Variants in ACAD11 observed in about 807,000 individuals in gnomAD.
ACAD11 encodes acyl-Coenzyme A dehydrogenase family, member 11.
Under a neutral mutation model 102.2 loss-of-function variants are expected in ACAD11, and 83 were observed. That is an observed-to-expected ratio of 0.81 (90% CI 0.68 to 0.97). ACAD11 has a LOEUF of 0.97. Among genes scored for constraint, ACAD11 ranks in the 50% least tolerant of loss-of-function variants. The probability of loss-of-function intolerance (pLI) is 0.00; values close to 1 mark genes in which losing one functional copy is unlikely to be tolerated. For missense variants in ACAD11, 901 were observed against 951.7 expected (o/e 0.95, Z 0.70); for synonymous variants, 324 against 319.8 (o/e 1.01, Z -0.14).
intron 13 of ACAD11, among the ~76,000 whole-genome samples, chr3:132,590,928 C>T (rs560898317): frequency 2.0e-5 from 3 of 152,236 alleles, no homozygotes; most frequent in South Asian, 4.1e-4. Flanking sequence ...ACATAGTTTG[C>T]AAATATTTTC....
chr3:132,605,046 A>G, intron 12 of ACAD11, 52 bp downstream of exon 12: 2 of 1,408,348 alleles, frequency 1.4e-6, no homozygotes, highest in East Asian at 2.3e-5. Context: ...CTCATCCATA[A>G]TAACTCCGGG....
chr3:132,607,101 C>T (rs995073432), intron 11 of ACAD11, among the ~76,000 whole-genome samples: 1 of 152,144 alleles, frequency 6.6e-6, no homozygotes, highest in East Asian at 1.9e-4. Context: ...GACACCTACA[C>T]AAAAACTCCA....
chr3:132,621,908 A>C (rs1939621546), intron 9 of ACAD11, among the ~76,000 whole-genome samples: 1 of 151,142 alleles, frequency 6.6e-6, no homozygotes, highest in East Asian at 2.0e-4. Context: ...GAACCCAGGA[A>C]GCAGAGGTTG....
chr3:132,654,531 C>T (rs1310231419), intron 1 of ACAD11: 1 of 152,180 alleles, frequency 6.6e-6, no homozygotes, highest in East Asian at 1.9e-4. Context: ...AAGATAATGG[C>T]CATGGAGATG....
At chr3:132,639,373 T>G in intron 5 of ACAD11, 119 bp downstream of exon 5, 3 of 978,536 alleles carry the variant, frequency 3.1e-6, no homozygotes, top group Non-Finnish European at 4.4e-6. Context: ...ACGACAGTCC[T>G]GAGCTGTAGG....
At chr3:132,633,708 GTA>G (rs1425437362) in intron 5 of ACAD11, among the ~76,000 whole-genome samples, 4 of 152,206 alleles carry the variant, frequency 2.6e-5, no homozygotes, top group African/African-American at 7.2e-5. Context: ...CTAAAACAGA[GTA>G]ATAGACCAAT....
chr3:132,583,257 CT>C (rs1454448925), intron 13 of ACAD11, among the ~76,000 whole-genome samples: 6 of 152,178 alleles, frequency 3.9e-5, no homozygotes, highest in Non-Finnish European at 8.8e-5. Flanking sequence ...AGAGATTCAA[CT>C]TCTTCCTCGT....
intron 5 of ACAD11, among the ~76,000 whole-genome samples, chr3:132,632,984 C>A (rs1414769877): frequency 2.6e-5 from 4 of 152,126 alleles, no homozygotes; most frequent in Admixed American, 2.0e-4. Flanking sequence ...GCTGAGACGA[C>A]AGCGTTTTCT....
chr3:132,559,354 T>G (rs1936977233), intron 19 of ACAD11, among the ~76,000 whole-genome samples: 1 of 152,132 alleles, frequency 6.6e-6, no homozygotes, highest in African/African-American at 2.4e-5. Flanking sequence ...TGCTAGAACT[T>G]AGAACAGGCA....
intron 6 of ACAD11, among the ~76,000 whole-genome samples, 162 bp from the exon 7 acceptor site, chr3:132,630,720 A>G (rs1485131475): frequency 6.6e-6 from 1 of 152,232 alleles, no homozygotes; most frequent in Non-Finnish European, 1.5e-5. Context: ...TATTATATAC[A>G]AAGGATTATA....
At chr3:132,650,033 T>A (rs1015435636) in intron 1 of ACAD11, 1 of 152,208 alleles carries the variant, frequency 6.6e-6, no homozygotes, top group African/African-American at 2.4e-5. Flanking sequence ...GAGTATTTGG[T>A]CCAAGAGGCA....
At chr3:132,657,330 GGTCT>G (rs1324824607) in intron 1 of ACAD11, among the ~76,000 whole-genome samples, 6 of 152,008 alleles carry the variant, frequency 3.9e-5, no homozygotes, top group Non-Finnish European at 1.5e-5. Flanking sequence ...CTATTTTATT[GGTCT>G]GTCTATCTCT....
intron 13 of ACAD11, among the ~76,000 whole-genome samples, 179 bp from the exon 14 acceptor site, chr3:132,579,737 A>G (rs975310913): frequency 2.0e-5 from 3 of 152,178 alleles, no homozygotes; most frequent in Non-Finnish European, 2.9e-5. Context: ...AAAAATGATT[A>G]GGCAAGGCCA....
chr3:132,629,442 G>A (rs1939949699), intron 7 of ACAD11, among the ~76,000 whole-genome samples: 1 of 152,200 alleles, frequency 6.6e-6, no homozygotes, highest in African/African-American at 2.4e-5. Flanking sequence ...TTACAGGCGT[G>A]AGCCACCGTG....
chr3:132,658,995 T>C (rs1937977691), intron 1 of ACAD11, among the ~76,000 whole-genome samples: 1 of 152,182 alleles, frequency 6.6e-6, no homozygotes, highest in Admixed American at 6.5e-5. Flanking sequence ...AGTAACAATG[T>C]TATTTTTAGA....
chr3:132,639,495 T>C lies in ACAD11; in HGVS notation c.699A>G (p.Lys233=), dbSNP rs1940401553. The change falls in exon 5 of 20, where the codon AAA becomes AAG. Residue 233 remains lysine (K), a synonymous_variant. Coordinates refer to ENST00000264990, the MANE Select transcript of ACAD11 (RefSeq NM_032169.5). ...TTGTAAACATAGCTAACTGTACCTC[T>C]TTAGGGTGGAAAACTATGTTATCTA... ...FRLDNIVFHP[K]ECRVIAVLDW... is the part of the protein sequence containing the mutation. 1.9e-6 allele frequency: 3 copies of C among 1,613,084 alleles called. No individual in the cohort carries two copies. The South Asian group carries it at 3.3e-5, about 18-fold the overall frequency.
chr3:132,595,418 T>C (rs923658632), intron 13 of ACAD11, among the ~76,000 whole-genome samples: 14 of 151,884 alleles, frequency 9.2e-5, no homozygotes, highest in African/African-American at 3.1e-4. Context: ...GAGTTCATGA[T>C]GAAGCAATTG....
intron 13 of ACAD11, among the ~76,000 whole-genome samples, chr3:132,581,986 A>T (rs1232243853): frequency 1.3e-5 from 2 of 152,090 alleles, no homozygotes; most frequent in African/African-American, 2.4e-5. Flanking sequence ...TGAAAGTATA[A>T]GCTGTAGCTG....
intron 17 of ACAD11, among the ~76,000 whole-genome samples, chr3:132,568,111 T>C (rs545374978): frequency 2.4e-3 from 361 of 152,068 alleles, no homozygotes; most frequent in African/African-American, 8.2e-3. Flanking sequence ...ACCTGAATCC[T>C]AGCTACTTGG....
Sources: allele counts gnomAD v4.1 joint callset (sites outside exome capture counted in the v4.1 genomes callset), GRCh38; gene constraint gnomAD v4.1.1; transcripts MANE v1.5; gene names NCBI Gene and HGNC (gene_info 2026-07-23, HGNC 2026-07-21).